Variants in MYRIP observed in about 807,000 individuals in gnomAD.
MYRIP encodes the protein rab effector MyRIP.
A neutral mutation model predicts 98.0 loss-of-function variants in MYRIP; 49 were observed. The observed-to-expected ratio is 0.50, with a 90% CI of 0.40 to 0.63. MYRIP has a LOEUF of 0.63. MYRIP is among the 30% of genes least tolerant of loss of function. The probability of loss-of-function intolerance (pLI) is 0.00; values close to 1 mark genes in which losing one functional copy is unlikely to be tolerated. For missense variants in MYRIP, 1,004 were observed against 1,058.2 expected (o/e 0.95, Z 0.71); for synonymous variants, 404 against 409.5 (o/e 0.99, Z 0.16).
chr3:39,930,960 T>C (rs1050560977), intron 2 of MYRIP, among the ~76,000 whole-genome samples: 3 of 152,122 alleles, frequency 2.0e-5, no homozygotes, highest in African/African-American at 7.2e-5. Flanking sequence ...TGGAGTCCTC[T>C]AGCTTAGTTT....
intron 3 of MYRIP, among the ~76,000 whole-genome samples, chr3:40,083,474 T>C (rs1430443704): frequency 3.3e-5 from 5 of 152,158 alleles, no homozygotes; most frequent in African/African-American, 4.8e-5. Flanking sequence ...TCTTCAGTAA[T>C]AGTAAAGCAT....
chr3:40,036,324 A>AAAAAAAAAAAAAAAAAAAAAAAAAC (rs1553607293), intron 2 of MYRIP, among the ~76,000 whole-genome samples: 2 of 125,626 alleles, frequency 1.6e-5, no homozygotes, highest in Admixed American at 8.8e-5. Flanking sequence ...AAAAAAAAAA[A>AAAAAAAAAAAAAAAAAAAAAAAAAC]CTTTATTCAA....
chr3:40,114,087 C>T (rs1376898399), intron 3 of MYRIP, among the ~76,000 whole-genome samples: 2 of 152,176 alleles, frequency 1.3e-5, no homozygotes, highest in African/African-American at 4.8e-5. Flanking sequence ...ATTTTGACAC[C>T]ATAAAACATA....
Position 40,124,666 on chromosome 3 carries a change from A to T in MYRIP, c.333-26382A>T, listed in dbSNP as rs527281239. Among the ~76,000 whole-genome samples the T allele has an allele frequency of 1.7e-4, 26 of 152,214 alleles. 1 individual carries two copies. Among genetic ancestry groups the T allele is most frequent in the Non-Finnish European group, 1.5e-4 (10 of 68,036 alleles). ...AAGGTGGGTATTTAGGATTTGGTGT[A>T]TGCCTGGCAGGGATATTCTGGCAGA... On this transcript the variant is annotated intron_variant, in intron 3 of 16. Transcript: ENST00000302541.
chr3:40,249,711 GGA>G (rs1408466968), intron 13 of MYRIP, among the ~76,000 whole-genome samples: 1 of 152,198 alleles, frequency 6.6e-6, no homozygotes, highest in Non-Finnish European at 1.5e-5. Context: ...CCCAGAGAGG[GGA>G]GAGAGTTTCT....
At chr3:39,931,531 C>G (rs1944536500) in intron 2 of MYRIP, among the ~76,000 whole-genome samples, 1 of 151,488 alleles carries the variant, frequency 6.6e-6, no homozygotes, top group South Asian at 2.1e-4. Flanking sequence ...TCTTACCTGT[C>G]CAGGATCTCC....
intron 12 of MYRIP, among the ~76,000 whole-genome samples, chr3:40,241,125 C>G (rs1174934600): frequency 6.6e-6 from 1 of 152,182 alleles, no homozygotes; most frequent in East Asian, 1.9e-4. Flanking sequence ...AATAGTAGGA[C>G]TGCCACCTTG....
rs373026420 is a variant in MYRIP, at chr3:40,157,920, G to C, written c.470-4810G>C. ...TATTAGTCTTGCTAGCGATTTATCA[G>C]TTTTGTTGATCCTTTCAAAAAACCA... is the stretch of plus-strand genomic sequence containing the variant. On this transcript the variant is annotated intron_variant, in intron 4 of 16. Transcript: ENST00000302541. Among the ~76,000 whole-genome samples the C allele has an allele frequency of 1.1e-3, 169 of 152,194 alleles. 1 individual carries two copies. The highest frequency in any genetic ancestry group is 9.2e-3 in the Admixed American group (140 of 15,290).
At chr3:39,918,116 C>T (rs943429485) in intron 2 of MYRIP, among the ~76,000 whole-genome samples, 1 of 151,972 alleles carries the variant, frequency 6.6e-6, no homozygotes, top group Non-Finnish European at 1.5e-5. Context: ...TTAGTAGAGA[C>T]GGGGTTTCAC....
intron 2 of MYRIP, among the ~76,000 whole-genome samples, chr3:39,971,220 G>T (rs1945572625): frequency 6.6e-6 from 1 of 151,930 alleles, no homozygotes; most frequent in Admixed American, 6.6e-5. Flanking sequence ...TGTTTTCATT[G>T]GTTACCCTTT....
chr3:40,052,037 G>GTTA (rs1947804159), intron 3 of MYRIP, among the ~76,000 whole-genome samples: 1 of 152,082 alleles, frequency 6.6e-6, no homozygotes, highest in Non-Finnish European at 1.5e-5. Flanking sequence ...TGTTGAAAAT[G>GTTA]TTACAATTCT....
chr3:40,231,617 T>A (rs1952661599), intron 11 of MYRIP, among the ~76,000 whole-genome samples: 1 of 152,244 alleles, frequency 6.6e-6, no homozygotes, highest in African/African-American at 2.4e-5. Context: ...CCCTTTTGAT[T>A]GTATGTTCAG....
chr3:39,974,970 T>A (rs1945708054), intron 2 of MYRIP, among the ~76,000 whole-genome samples: 1 of 152,158 alleles, frequency 6.6e-6, no homozygotes, highest in Non-Finnish European at 1.5e-5. Context: ...AAGCATTCCC[T>A]TAGAAAACTG....
At chr3:40,111,207 G>C (rs1949151360) in intron 3 of MYRIP, among the ~76,000 whole-genome samples, 1 of 152,116 alleles carries the variant, frequency 6.6e-6, no homozygotes, top group South Asian at 2.1e-4. Context: ...TTCACAAGAA[G>C]GGAAGGAGGA....
chr3:39,858,702 A>G (rs1184309764), intron 1 of MYRIP, among the ~76,000 whole-genome samples: 2 of 152,178 alleles, frequency 1.3e-5, no homozygotes, highest in Non-Finnish European at 2.9e-5. Context: ...TTTTCTGACC[A>G]CAATGGTATG....
chr3:40,046,453 G>A (rs942380036), intron 3 of MYRIP, among the ~76,000 whole-genome samples: 14 of 151,392 alleles, frequency 9.2e-5, no homozygotes, highest in African/African-American at 3.4e-4. Context: ...AGAACAGGAC[G>A]ATGTTTATAG....
At chr3:39,895,183 AT>A (rs369169565) in intron 1 of MYRIP, among the ~76,000 whole-genome samples, 2,682 of 139,996 alleles carry the variant, frequency 0.019, 75 homozygotes, top group African/African-American at 0.065. Flanking sequence ...TTTTGCTTGC[AT>A]TTTTTTTTTC....
At chr3:40,031,731 C>T (rs57203572) in intron 2 of MYRIP, among the ~76,000 whole-genome samples, 5,784 of 152,140 alleles carry the variant, frequency 0.038, 189 homozygotes, top group East Asian at 0.18. Flanking sequence ...GTGTATGTGT[C>T]GAGGAATTTA....
intron 1 of MYRIP, among the ~76,000 whole-genome samples, chr3:39,819,716 T>G (rs1186248574): frequency 2.6e-5 from 4 of 152,048 alleles, no homozygotes; most frequent in Admixed American, 1.3e-4. Flanking sequence ...GGCAGTGAGG[T>G]GGACATGGTT....
Sources: gnomAD v4.1 joint callset for allele counts (sites outside exome capture counted in the v4.1 genomes callset) on GRCh38, gnomAD v4.1.1 for gene constraint, MANE v1.5 for transcripts, NCBI Gene and HGNC (gene_info 2026-07-23, HGNC 2026-07-21) for gene names.